The following NREP variants were observed in gnomAD, a reference collection of about 807,000 sequenced individuals.
The protein encoded by NREP is neuronal regeneration-related protein.
Under a neutral mutation model 8.6 loss-of-function variants are expected in NREP, and 5 were observed. That is an observed-to-expected ratio of 0.58 (90% CI 0.30 to 1.22). The LOEUF is 1.22. NREP is among the 50% of genes most tolerant of loss of function. NREP has a pLI of 0.07. For missense variants in NREP, 86 were observed against 82.5 expected (o/e 1.04, Z -0.17); for synonymous variants, 27 against 28.0 (o/e 0.96, Z 0.11).
At chr5:111,938,476 AT>A (rs1755742840) in intron 2 of NREP, among the ~76,000 whole-genome samples, 1 of 152,080 alleles carries the variant, frequency 6.6e-6, no homozygotes, top group African/African-American at 2.4e-5. Flanking sequence ...TTAAACTAAA[AT>A]TTCAAGATTC....
intron 2 of NREP, among the ~76,000 whole-genome samples, chr5:111,914,137 C>G (rs1284735089): frequency 6.6e-6 from 1 of 152,062 alleles, no homozygotes; most frequent in African/African-American, 2.4e-5. Flanking sequence ...TGTAAAGATC[C>G]ATCTAAGAAT....
intron 2 of NREP, among the ~76,000 whole-genome samples, chr5:111,809,278 C>T (rs528968010): frequency 6.6e-6 from 1 of 152,316 alleles, no homozygotes; most frequent in South Asian, 2.1e-4. Flanking sequence ...TATGATTCTA[C>T]TTTCAGTCCA....
chr5:111,824,215 A>G (rs1752571243), intron 2 of NREP, among the ~76,000 whole-genome samples: 1 of 152,108 alleles, frequency 6.6e-6, no homozygotes, highest in Non-Finnish European at 1.5e-5. Flanking sequence ...CTAAAAATAC[A>G]AAAATTAGCC....
In NREP at chr5:111,757,169, C is replaced by T. The variant is rs2112855984; in HGVS notation, c.-92G>A. 3.1e-6 allele frequency: 3 copies of T among 981,044 alleles called. No individual in the cohort carries two copies. Among genetic ancestry groups the T allele is most frequent in the South Asian group, 4.7e-5 (1 of 21,146 alleles). The allele number at this position is 981,044 out of a possible 1,614,324, so 60.8% of individuals were successfully genotyped here. On this transcript the variant is annotated 5_prime_UTR_variant, in exon 1 of 4. Coordinates refer to ENST00000257435, the MANE Select transcript of NREP (RefSeq NM_004772.4). ...GCCCCGCTCCCTGTTCACTCTCTCT[C>T]CTCTCTACACCTGAAACACAAATGT...
At chr5:111,747,624 T>G (rs905351353) in intron 2 of NREP, among the ~76,000 whole-genome samples, 1 of 152,182 alleles carries the variant, frequency 6.6e-6, no homozygotes, top group Non-Finnish European at 1.5e-5. Flanking sequence ...GCATTTTTAT[T>G]GGCAACAACT....
At position 111,970,227 on chromosome 5, in the gene NREP, AT is replaced by A. The variant is rs142291364; in HGVS notation, c.135+5046del. On this transcript the variant is annotated intron_variant, in intron 2 of 3. Coordinates refer to the NREP transcript ENST00000395634. Reference sequence around the variant, plus strand: ...CTGAGAACTACAATTTGTGGTTCTAATTTTTTTTTGAAATTATTTTGTGTCT... The same window carrying A: ...CTGAGAACTACAATTTGTGGTTCTAATTTTTTTTGAAATTATTTTGTGTCT... 4.6e-5 allele frequency among the ~76,000 whole-genome samples: 7 copies of A among 151,708 alleles called. No homozygotes were observed. The South Asian group carries it at 1.3e-3, about 27-fold the overall frequency.
At chr5:111,972,000 A>T (rs1304749351) in intron 2 of NREP, among the ~76,000 whole-genome samples, 1 of 152,202 alleles carries the variant, frequency 6.6e-6, no homozygotes, top group Admixed American at 6.5e-5. Flanking sequence ...ATATTTGATA[A>T]GGGGTTAAAT....
intron 2 of NREP, among the ~76,000 whole-genome samples, chr5:111,816,837 A>C (rs1226449919): frequency 1.3e-5 from 2 of 151,794 alleles, no homozygotes. Context: ...ACTGCAGACT[A>C]TATAAAAATA....
chr5:111,798,734 GGTGTGTGTGT>G lies in NREP; in HGVS notation c.136-63237_136-63228del, dbSNP rs571252142. Among the ~76,000 whole-genome samples the G allele has an allele frequency of 1.3e-3, 180 of 135,698 alleles. 1 individual carries two copies. Among genetic ancestry groups the G allele is most frequent in the African/African-American group, 4.2e-3 (150 of 35,636 alleles). The allele number at this position is 135,698 out of a possible 152,430, so 89.0% of individuals were successfully genotyped here. ...TTTTTATGGCTGAGTAGTATTCCAT[GGTGTGTGTGT>G]GTGTGTGTGTGTGTGTGTGTGTGTG... On this transcript the variant is annotated intron_variant, in intron 2 of 3. Transcript: ENST00000395634.
At chr5:111,935,358 C>T (rs1302473839) in intron 2 of NREP, among the ~76,000 whole-genome samples, 2 of 152,026 alleles carry the variant, frequency 1.3e-5, no homozygotes, top group African/African-American at 4.8e-5. Flanking sequence ...GACCAATGGA[C>T]CTGAAGGGCC....
intron 2 of NREP, among the ~76,000 whole-genome samples, chr5:111,961,117 G>C (rs1756468135): frequency 6.6e-6 from 1 of 152,122 alleles, no homozygotes; most frequent in Admixed American, 6.5e-5. Flanking sequence ...AAGAAGCTGA[G>C]GCCCAAAGAG....
chr5:111,755,971 G>T, intron 1 of NREP, 141 bp from the exon 2 acceptor site: 3 of 1,439,314 alleles, frequency 2.1e-6, no homozygotes. Context: ...TAACTACTGG[G>T]ATTTCTGAAA....
chr5:111,916,989 G>C (rs1755078139), intron 2 of NREP, among the ~76,000 whole-genome samples: 1 of 152,098 alleles, frequency 6.6e-6, no homozygotes, highest in Non-Finnish European at 1.5e-5. Context: ...GCTTGGAAGA[G>C]ACCCAAATGG....
intron 2 of NREP, among the ~76,000 whole-genome samples, chr5:111,862,745 A>G (rs1302395682): frequency 6.6e-6 from 1 of 152,050 alleles, no homozygotes; most frequent in Non-Finnish European, 1.5e-5. Context: ...CGAGTTTACA[A>G]TCTACTAAAG....
chr5:111,751,234 A>C (rs1750343186), intron 2 of NREP, among the ~76,000 whole-genome samples: 1 of 152,214 alleles, frequency 6.6e-6, no homozygotes, highest in Non-Finnish European at 1.5e-5. Flanking sequence ...CATATGATCC[A>C]ACTAACAAAT....
chr5:111,852,359 A>G (rs1753331725), intron 2 of NREP, among the ~76,000 whole-genome samples: 1 of 152,090 alleles, frequency 6.6e-6, no homozygotes, highest in Non-Finnish European at 1.5e-5. Flanking sequence ...GCTGCCTTAC[A>G]TCTTCTAGTG....
At chr5:111,836,507 C>G (rs1299772395) in intron 2 of NREP, among the ~76,000 whole-genome samples, 5 of 152,060 alleles carry the variant, frequency 3.3e-5, no homozygotes, top group Non-Finnish European at 5.9e-5. Context: ...ATCTTTCTTT[C>G]AGTTTTCTTT....
chr5:111,754,411 C>G (rs960969320), intron 2 of NREP, among the ~76,000 whole-genome samples: 3 of 152,118 alleles, frequency 2.0e-5, no homozygotes, highest in Non-Finnish European at 2.9e-5. Flanking sequence ...CATGAAACCT[C>G]TGTGATCTAT....
intron 2 of NREP, among the ~76,000 whole-genome samples, chr5:111,919,577 A>G (rs1755165286): frequency 6.6e-6 from 1 of 152,082 alleles, no homozygotes; most frequent in Middle Eastern, 3.2e-3. Flanking sequence ...TTACAGGGAC[A>G]TGGATGAAGC....
Sources: gnomAD v4.1 joint callset for allele counts (sites outside exome capture counted in the v4.1 genomes callset) on GRCh38, gnomAD v4.1.1 for gene constraint, MANE v1.5 for transcripts, NCBI Gene and HGNC (gene_info 2026-07-23, HGNC 2026-07-21) for gene names.